Variants in H4C15 observed in about 807,000 individuals in gnomAD.
H4C15 encodes the protein histone H4.
chr1:149,855,522 C>G (rs2092183215), downstream of H4C15, among the ~76,000 whole-genome samples: 1 of 90,276 alleles, frequency 1.1e-5, no homozygotes, highest in Non-Finnish European at 2.3e-5. Context: ...TCCTGGTCAC[C>G]CTTATCCTTC....
chr1:149,850,849 G>A, downstream of H4C15: 1 of 147,238 alleles, frequency 6.8e-6, no homozygotes, highest in South Asian at 3.6e-5. Flanking sequence ...GGAAACGACT[G>A]TGTACTTACA....
At chr1:149,846,159 T>TCC in the H4C15 span, 1 of 151,712 alleles carries the variant, frequency 6.6e-6, no homozygotes, top group Admixed American at 6.6e-5. Context: ...ACACACTCAC[T>TCC]CCCCCCCGCC....
the H4C15 span, chr1:149,848,161 A>G: frequency 6.6e-6 from 1 of 152,200 alleles, no homozygotes; most frequent in African/African-American, 2.4e-5. Context: ...TGATGGTAAT[A>G]TTAGTCTTTA....
chr1:149,849,656 G>A (rs782303513), downstream of H4C15, among the ~76,000 whole-genome samples: 1 of 152,148 alleles, frequency 6.6e-6, no homozygotes, highest in Non-Finnish European at 1.5e-5. Flanking sequence ...AAGCTTTTCC[G>A]AGTGATAACT....
chr1:149,855,390 T>C (rs2092181773), downstream of H4C15, among the ~76,000 whole-genome samples: 1 of 146,580 alleles, frequency 6.8e-6, no homozygotes, highest in African/African-American at 2.5e-5. Flanking sequence ...GACAGGTGTG[T>C]GTGTGTGTGT....
downstream of H4C15, chr1:149,850,371 G>A (rs1553757625): frequency 5.5e-6 from 4 of 722,580 alleles, no homozygotes; most frequent in Admixed American, 2.0e-5. Flanking sequence ...GGGAGCGAGC[G>A]AGCGCCAGGT....
At chr1:149,848,220 G>T in the H4C15 span, 6 of 152,106 alleles carry the variant, frequency 3.9e-5, no homozygotes, top group African/African-American at 1.4e-4. Context: ...ATATGTAATT[G>T]GAGCAACTCT....
At chr1:149,849,686 T>C (rs782380883), downstream of H4C15, among the ~76,000 whole-genome samples, 1 of 152,206 alleles carries the variant, frequency 6.6e-6, no homozygotes, top group Non-Finnish European at 1.5e-5. Flanking sequence ...AAAAACCATT[T>C]AATGGTATTG....
chr1:149,846,581 C>G, the H4C15 span: 1 of 152,062 alleles, frequency 6.6e-6, no homozygotes, highest in South Asian at 2.1e-4. Context: ...AGTACAAAGA[C>G]CAGCCATAGT....
downstream of H4C15, among the ~76,000 whole-genome samples, chr1:149,855,384 G>GGTGTGTGTGTGTGTGTGTGT (rs1162535434): frequency 5.0e-5 from 7 of 139,280 alleles, no homozygotes; most frequent in South Asian, 2.3e-4. Flanking sequence ...GTGGGGGACA[G>GGTGTGTGTGTGTGTGTGTGT]GTGTGTGTGT....
downstream of H4C15, among the ~76,000 whole-genome samples, chr1:149,858,623 G>C: frequency 1.3e-5 from 1 of 74,662 alleles, no homozygotes; most frequent in Non-Finnish European, 2.6e-5. Context: ...GGAAGGGAAG[G>C]AAGGGAAGGA....
the H4C15 span, chr1:149,846,637 CTTATCT>C: frequency 6.6e-6 from 1 of 152,110 alleles, no homozygotes; most frequent in Non-Finnish European, 1.5e-5. Context: ...CTGCATTTGC[CTTATCT>C]TTGTCTTCTC....
chr1:149,855,734 TTGTG>T (rs1177085725), downstream of H4C15, among the ~76,000 whole-genome samples: 19 of 24,066 alleles, frequency 7.9e-4, 3 homozygotes, highest in African/African-American at 3.5e-3. Context: ...TCTACACATT[TTGTG>T]TGTGTGTGTG....
downstream of H4C15, among the ~76,000 whole-genome samples, chr1:149,849,353 G>T (rs2092159628): frequency 6.6e-6 from 1 of 152,172 alleles, no homozygotes; most frequent in African/African-American, 2.4e-5. Context: ...GGTCTGGAGA[G>T]ACTTTAAGTC....
chr1:149,850,263 G>T, downstream of H4C15: 2 of 1,249,452 alleles, frequency 1.6e-6, no homozygotes, highest in South Asian at 1.3e-5. Flanking sequence ...AACTGGGACT[G>T]ACAACACAAG....
the H4C15 span, chr1:149,848,625 C>G: frequency 2.0e-5 from 3 of 152,208 alleles, no homozygotes; most frequent in African/African-American, 7.2e-5. Context: ...TGAGTTTGAT[C>G]TAGATTCCTG....
chr1:149,846,552 C>A, the H4C15 span: 1 of 151,954 alleles, frequency 6.6e-6, no homozygotes, highest in African/African-American at 2.4e-5. Flanking sequence ...TTTAAACCTA[C>A]AGAAAAGTTG....
downstream of H4C15, among the ~76,000 whole-genome samples, chr1:149,855,795 G>T (rs1250732304): frequency 5.4e-5 from 1 of 18,494 alleles, no homozygotes; most frequent in South Asian, 1.1e-3. Flanking sequence ...AGAGAGAGAG[G>T]GAGATAGAGA....
downstream of H4C15, among the ~76,000 whole-genome samples, chr1:149,858,636 A>G (rs1332625868): frequency 5.9e-5 from 5 of 84,158 alleles, no homozygotes; most frequent in African/African-American, 1.2e-4. Context: ...GGGAAGGAAG[A>G]AAGGAAGGAA....
Sources: gnomAD v4.1 joint callset for allele counts (sites outside exome capture counted in the v4.1 genomes callset) on GRCh38, gnomAD v4.1.1 for gene constraint, MANE v1.5 for transcripts, NCBI Gene and HGNC (gene_info 2026-07-23, HGNC 2026-07-21) for gene names.